RBFOX1: variants seen among roughly 807,000 people sequenced by gnomAD.
RBFOX1 encodes RNA binding protein fox-1 homolog 1.
A neutral mutation model predicts 57.7 loss-of-function variants in RBFOX1; 8 were observed. The ratio of observed to expected loss-of-function variants is 0.14; its 90% CI spans 0.08 to 0.25. The LOEUF (loss-of-function observed/expected upper bound fraction) is 0.25. Among genes scored for constraint, RBFOX1 ranks in the 10% least tolerant of loss-of-function variants. The pLI is 1.00. For synonymous variants in RBFOX1, 326 were observed against 222.4 expected, an observed-to-expected ratio of 1.47 and a Z score of -4.15; for missense variants, 611 against 548.5, an observed-to-expected ratio of 1.11 and a Z score of -1.14.
intron 2 of RBFOX1, among the ~76,000 whole-genome samples, chr16:6,646,850 C>G (rs544324622): frequency 7.2e-4 from 110 of 151,996 alleles, no homozygotes; most frequent in Middle Eastern, 3.4e-3. Context: ...ACTCAGTGTC[C>G]GAAGTCAAGC....
At chr16:5,663,815 A>G (rs1326526527) in intron 3 of RBFOX1, among the ~76,000 whole-genome samples, 1 of 152,210 alleles carries the variant, frequency 6.6e-6, no homozygotes, top group Non-Finnish European at 1.5e-5. Context: ...TTCACACGTC[A>G]AAGACATTCA....
chr16:5,373,460 C>G (rs915744090), intron 1 of RBFOX1, among the ~76,000 whole-genome samples: 1 of 152,202 alleles, frequency 6.6e-6, no homozygotes, highest in East Asian at 1.9e-4. Context: ...AGCACCTCTC[C>G]CTTCACTTTC....
At chr16:6,831,059 A>C (rs1337386597) in intron 3 of RBFOX1, among the ~76,000 whole-genome samples, 1 of 152,204 alleles carries the variant, frequency 6.6e-6, no homozygotes, top group African/African-American at 2.4e-5. Flanking sequence ...GCTCTAATCA[A>C]ATGTACCTCA....
Position 6,868,850 on chromosome 16 carries a change from C to G in RBFOX1, c.-15-183207C>G, listed in dbSNP as rs529657542. Among the ~76,000 whole-genome samples the G allele has an allele frequency of 2.6e-5, 4 of 152,278 alleles. No individual in the cohort carries two copies. The South Asian group carries it at 6.2e-4, about 24-fold the overall frequency. On this transcript the variant is annotated intron_variant, in intron 3 of 15. Transcript: ENST00000550418. ...GGCTTTGCCATATGACTTACTTTGA[C>G]TAATGAAATATGCAGGGAGGTGATG...
intron 3 of RBFOX1, among the ~76,000 whole-genome samples, chr16:6,674,936 C>G (rs562454968): frequency 6.6e-6 from 1 of 152,036 alleles, no homozygotes; most frequent in Non-Finnish European, 1.5e-5. Flanking sequence ...GACACAGTCT[C>G]ACTGTGTCAC....
chr16:5,977,115 C>G (rs2060079458), intron 4 of RBFOX1, among the ~76,000 whole-genome samples: 1 of 152,108 alleles, frequency 6.6e-6, no homozygotes, highest in Non-Finnish European at 1.5e-5. Context: ...GGGTAATTTT[C>G]TAGTAAGCTA....
At chr16:6,812,639 A>G (rs527708047) in intron 3 of RBFOX1, among the ~76,000 whole-genome samples, 1 of 152,234 alleles carries the variant, frequency 6.6e-6, no homozygotes, top group African/African-American at 2.4e-5. Flanking sequence ...AGCCTACCAC[A>G]GTGCTGGGAT....
chr16:6,148,216 A>C (rs199969174), intron 1 of RBFOX1, among the ~76,000 whole-genome samples: 2 of 152,274 alleles, frequency 1.3e-5, no homozygotes, highest in East Asian at 3.9e-4. Context: ...AATCCCAGCT[A>C]CTTGGGAGGC....
chr16:5,716,728 G>A (rs1455420254), intron 3 of RBFOX1, among the ~76,000 whole-genome samples: 1 of 152,208 alleles, frequency 6.6e-6, no homozygotes, highest in African/African-American at 2.4e-5. Flanking sequence ...GTGTCCATGT[G>A]TCTTTATAGT....
chr16:5,389,455 C>T (rs1337799934), intron 1 of RBFOX1, among the ~76,000 whole-genome samples: 1 of 152,094 alleles, frequency 6.6e-6, no homozygotes, highest in Non-Finnish European at 1.5e-5. Flanking sequence ...CCCACCCCTG[C>T]AGTTGTGAAA....
chr16:5,308,374 G>A (rs547147671), intron 1 of RBFOX1, among the ~76,000 whole-genome samples: 3 of 150,996 alleles, frequency 2.0e-5, no homozygotes, highest in South Asian at 2.1e-4. Context: ...GCCTTTGTCC[G>A]CTCCCAAGAG....
chr16:7,481,825 A>AAAAAATAT (rs2064023804), intron 4 of RBFOX1, among the ~76,000 whole-genome samples: 1 of 152,218 alleles, frequency 6.6e-6, no homozygotes, highest in Non-Finnish European at 1.5e-5. Flanking sequence ...GCCTGCCTTA[A>AAAAAATAT]AAGTTCTCAG....
At chr16:6,861,876 C>T (rs895566835) in intron 3 of RBFOX1, among the ~76,000 whole-genome samples, 1 of 116,448 alleles carries the variant, frequency 8.6e-6, no homozygotes, top group Non-Finnish European at 1.6e-5. Context: ...TGCACTTTCT[C>T]CCTGCCCAGA....
chr16:5,475,782 G>A (rs550533209), intron 2 of RBFOX1, among the ~76,000 whole-genome samples: 1 of 152,292 alleles, frequency 6.6e-6, no homozygotes, highest in South Asian at 2.1e-4. Flanking sequence ...AGAGTGCCTG[G>A]ACCTGGCTCT....
At chr16:7,570,163 C>CTTTT (rs5815410) in intron 5 of RBFOX1, among the ~76,000 whole-genome samples, 2 of 142,372 alleles carry the variant, frequency 1.4e-5, no homozygotes, top group Non-Finnish European at 1.5e-5. Context: ...TAAAATTTTA[C>CTTTT]TTTTTTTTTT....
At chr16:6,269,294 A>C (rs1261532203) in intron 1 of RBFOX1, among the ~76,000 whole-genome samples, 2 of 152,094 alleles carry the variant, frequency 1.3e-5, no homozygotes, top group Non-Finnish European at 2.9e-5. Context: ...TTTATTTTTA[A>C]ATTTTTGGAA....
chr16:6,270,258 G>A (rs910243163), intron 1 of RBFOX1, among the ~76,000 whole-genome samples: 17 of 151,994 alleles, frequency 1.1e-4, no homozygotes, highest in African/African-American at 4.1e-4. Context: ...AAATGGCAAT[G>A]GCCTATATAC....
chr16:6,221,969 C>G (rs1229784389), intron 1 of RBFOX1, among the ~76,000 whole-genome samples: 1 of 152,070 alleles, frequency 6.6e-6, no homozygotes, highest in East Asian at 1.9e-4. Flanking sequence ...ACTTTAGTCC[C>G]TATCATAAGG....
intron 2 of RBFOX1, among the ~76,000 whole-genome samples, chr16:6,619,493 AC>A (rs1186023191): frequency 6.6e-6 from 1 of 152,106 alleles, no homozygotes; most frequent in East Asian, 1.9e-4. Flanking sequence ...TTCTCATTAA[AC>A]TTATGCCTTT....
Sources: allele counts gnomAD v4.1 joint callset (sites outside exome capture counted in the v4.1 genomes callset), GRCh38; gene constraint gnomAD v4.1.1; transcripts MANE v1.5; gene names NCBI Gene and HGNC (gene_info 2026-07-23, HGNC 2026-07-21).